The following KDM4C variants were observed in gnomAD, a reference collection of about 807,000 sequenced individuals.
The protein encoded by KDM4C is lysine demethylase 4C, also known as lysine-specific demethylase 4C.
A neutral mutation model predicts 129.3 loss-of-function variants in KDM4C; 81 were observed. The ratio of observed to expected loss-of-function variants is 0.63; its 90% CI spans 0.52 to 0.75. The LOEUF (loss-of-function observed/expected upper bound fraction) is 0.75. Ranked by LOEUF, KDM4C falls within the 30% of genes least tolerant of loss-of-function variation. The pLI, the probability that KDM4C is intolerant of heterozygous loss-of-function variation, is 0.00. For missense variants in KDM4C, 1,457 were observed against 1,304.0 expected (o/e 1.12, Z -1.81); for synonymous variants, 573 against 456.1 (o/e 1.26, Z -3.26).
intron 8 of KDM4C, among the ~76,000 whole-genome samples, chr9:6,942,099 C>T (rs934375796): frequency 6.6e-6 from 1 of 152,084 alleles, no homozygotes; most frequent in Non-Finnish European, 1.5e-5. Context: ...CGTATACTTT[C>T]ATCTTTGTTA....
chr9:6,732,549 G>A (rs1402646887), intron 1 of KDM4C, among the ~76,000 whole-genome samples: 5 of 152,070 alleles, frequency 3.3e-5, no homozygotes, highest in Non-Finnish European at 2.9e-5. Context: ...CACCCAGCCA[G>A]AAAGGAAAAT....
chr9:7,040,429 G>C (rs1228684678), intron 15 of KDM4C, among the ~76,000 whole-genome samples: 1 of 148,614 alleles, frequency 6.7e-6, no homozygotes, highest in South Asian at 2.1e-4. Flanking sequence ...CTGTGTGTCT[G>C]TTTGTTGAAG....
At chr9:6,904,830 G>T (rs1818018303) in intron 8 of KDM4C, among the ~76,000 whole-genome samples, 1 of 152,000 alleles carries the variant, frequency 6.6e-6, no homozygotes, top group Admixed American at 6.6e-5. Flanking sequence ...AGAGGAAAAA[G>T]TAACTAAACG....
intron 1 of KDM4C, chr9:6,721,052 G>A: frequency 1.5e-5 from 22 of 1,439,450 alleles, no homozygotes; most frequent in Non-Finnish European, 2.1e-5. Context: ...TGGTGGTTCT[G>A]TCACACTTAA....
chr9:7,014,952 A>ACC (rs1554697197), intron 14 of KDM4C, among the ~76,000 whole-genome samples: 1 of 145,724 alleles, frequency 6.9e-6, no homozygotes, highest in Non-Finnish European at 1.5e-5. Flanking sequence ...ACACACACAC[A>ACC]CCTTACATTA....
chr9:7,047,211 C>T (rs1829529914), intron 16 of KDM4C, among the ~76,000 whole-genome samples: 1 of 152,038 alleles, frequency 6.6e-6, no homozygotes, highest in African/African-American at 2.4e-5. Context: ...ATCCAGGTGC[C>T]ATTAGAATCC....
At chr9:7,111,461 CT>C (rs1330804490) in intron 18 of KDM4C, among the ~76,000 whole-genome samples, 1 of 151,980 alleles carries the variant, frequency 6.6e-6, no homozygotes, top group African/African-American at 2.4e-5. Context: ...CTATTATTAT[CT>C]TTTTATTTTT....
chr9:6,813,130 G>A (rs1475919105), intron 3 of KDM4C, among the ~76,000 whole-genome samples: 1 of 152,066 alleles, frequency 6.6e-6, no homozygotes, highest in South Asian at 2.1e-4. Context: ...AGCCGAGATC[G>A]TGCCGCTGTA....
chr9:6,811,141 A>C (rs1831068689), intron 3 of KDM4C, among the ~76,000 whole-genome samples: 1 of 151,950 alleles, frequency 6.6e-6, no homozygotes, highest in South Asian at 2.1e-4. Flanking sequence ...TGGAGACAAG[A>C]GGTTTTCTGC....
chr9:6,869,322 C>G (rs1842515177), intron 5 of KDM4C, among the ~76,000 whole-genome samples: 1 of 152,232 alleles, frequency 6.6e-6, no homozygotes, highest in African/African-American at 2.4e-5. Flanking sequence ...CTTTTAATCT[C>G]AGGTTCTGTA....
intron 2 of KDM4C, among the ~76,000 whole-genome samples, chr9:6,799,916 C>T (rs1368928868): frequency 6.6e-6 from 1 of 151,966 alleles, no homozygotes; most frequent in Admixed American, 6.6e-5. Context: ...TCTGATTGTT[C>T]ATATTCTTTT....
At chr9:6,808,690 TAAA>T (rs908471656) in intron 3 of KDM4C, among the ~76,000 whole-genome samples, 2 of 63,838 alleles carry the variant, frequency 3.1e-5, no homozygotes, top group Non-Finnish European at 6.8e-5. Flanking sequence ...GAATTATCAA[TAAA>T]AAAAAAAAAA....
At chr9:6,817,328 T>C (rs1432127455) in intron 4 of KDM4C, among the ~76,000 whole-genome samples, 1 of 151,524 alleles carries the variant, frequency 6.6e-6, no homozygotes, top group African/African-American at 2.4e-5. Context: ...CCACCTCCTA[T>C]GTAGCTGGGA....
At chr9:7,039,541 A>G (rs1828207211) in intron 15 of KDM4C, among the ~76,000 whole-genome samples, 1 of 152,078 alleles carries the variant, frequency 6.6e-6, no homozygotes. Flanking sequence ...AGTTCAGCTA[A>G]AAATCTGCAT....
rs1366856750 is a variant in KDM4C, at chr9:6,793,099, G to C, written c.111G>C (p.Glu37Asp). ...REFNKYLAYMESKGAHRAGLA... is the reference protein window; with the variant it reads ...REFNKYLAYMDSKGAHRAGLA... ...TCAACAAATACCTTGCATACATGGA[G>C]TCTAAAGGAGCCCATCGTGCGGGTC... is the stretch of plus-strand genomic sequence containing the variant. Residue 37 changes from glutamate (E) to aspartate (D), a missense_variant, in exon 2 of 22, where the codon GAG (glutamate) becomes GAC (aspartate). Coordinates refer to ENST00000381309, the MANE Select transcript of KDM4C (RefSeq NM_015061.6). The C allele has an allele frequency of 6.2e-7, 1 of 1,614,130 alleles. No homozygotes were observed. Among genetic ancestry groups the C allele is most frequent in the Non-Finnish European group, 8.5e-7 (1 of 1,180,028 alleles).
At chr9:6,974,512 C>T (rs1473585100) in intron 8 of KDM4C, among the ~76,000 whole-genome samples, 1 of 152,182 alleles carries the variant, frequency 6.6e-6, no homozygotes, top group Non-Finnish European at 1.5e-5. Context: ...CATGTGCCAC[C>T]ATGCCTGAGT....
chr9:7,038,194 A>G (rs1827975767), intron 15 of KDM4C, among the ~76,000 whole-genome samples: 1 of 152,114 alleles, frequency 6.6e-6, no homozygotes, highest in African/African-American at 2.4e-5. Context: ...TTTCTTGTAA[A>G]AAGGTTTAAT....
intron 17 of KDM4C, among the ~76,000 whole-genome samples, chr9:7,101,709 A>G (rs1837110048): frequency 1.3e-5 from 2 of 152,188 alleles, no homozygotes; most frequent in African/African-American, 4.8e-5. Context: ...AATGAAGTTA[A>G]TGGTGATGGA....
chr9:6,770,710 CTTTT>C (rs60353218), intron 1 of KDM4C, among the ~76,000 whole-genome samples: 1 of 79,258 alleles, frequency 1.3e-5, no homozygotes, highest in African/African-American at 4.9e-5. Context: ...TTTTCAACGT[CTTTT>C]TTTTTTTTTT....
Sources: allele counts gnomAD v4.1 joint callset (sites outside exome capture counted in the v4.1 genomes callset), GRCh38; gene constraint gnomAD v4.1.1; transcripts MANE v1.5; gene names NCBI Gene and HGNC (gene_info 2026-07-23, HGNC 2026-07-21).